Variants in MARCHF1 observed in about 807,000 individuals in gnomAD.
MARCHF1 encodes the protein membrane associated ring-CH-type finger 1.
Under a neutral mutation model 54.2 loss-of-function variants are expected in MARCHF1, and 40 were observed. That is an observed-to-expected ratio of 0.74 (90% CI 0.57 to 0.96). MARCHF1 has a LOEUF of 0.96. Ranked by LOEUF, MARCHF1 falls within the 40% of genes least tolerant of loss-of-function variation. The pLI, the probability that MARCHF1 is intolerant of heterozygous loss-of-function variation, is 0.00. For missense variants in MARCHF1, 586 were observed against 656.5 expected, an observed-to-expected ratio of 0.89 and a Z score of 1.17; for synonymous variants, 236 against 236.3, an observed-to-expected ratio of 1.00 and a Z score of 0.01.
At chr4:163,590,533 T>C (rs1740557984) in intron 7 of MARCHF1, among the ~76,000 whole-genome samples, 1 of 152,122 alleles carries the variant, frequency 6.6e-6, no homozygotes, top group African/African-American at 2.4e-5. Context: ...GTTATTTAGA[T>C]CCTCTTAATA....
chr4:163,791,102 G>A (rs1163874966), intron 4 of MARCHF1, among the ~76,000 whole-genome samples: 2 of 152,064 alleles, frequency 1.3e-5, no homozygotes, highest in African/African-American at 4.8e-5. Context: ...AGTTCCAAGG[G>A]CACAGTAAAG....
intron 4 of MARCHF1, among the ~76,000 whole-genome samples, chr4:163,821,976 A>G (rs1748705040): frequency 6.6e-6 from 1 of 151,970 alleles, no homozygotes; most frequent in African/African-American, 2.4e-5. Flanking sequence ...TATAAAAGGA[A>G]ATTCACGGTT....
chr4:163,890,065 T>C (rs1268524363), intron 3 of MARCHF1, among the ~76,000 whole-genome samples: 2 of 149,952 alleles, frequency 1.3e-5, no homozygotes, highest in Non-Finnish European at 3.0e-5. Context: ...GCTGGGACTA[T>C]AAACACCCAC....
At chr4:164,342,077 A>G (rs1729947053) in intron 1 of MARCHF1, among the ~76,000 whole-genome samples, 1 of 152,194 alleles carries the variant, frequency 6.6e-6, no homozygotes, top group Non-Finnish European at 1.5e-5. Context: ...TAACATCTAC[A>G]ATATATAAGA....
chr4:163,862,933 C>T (rs750983121), intron 3 of MARCHF1, among the ~76,000 whole-genome samples: 5 of 151,980 alleles, frequency 3.3e-5, no homozygotes, highest in South Asian at 2.1e-4. Flanking sequence ...ATATTAAATG[C>T]ATATTGCTAC....
At chr4:164,349,585 T>C (rs1730218595) in intron 1 of MARCHF1, among the ~76,000 whole-genome samples, 1 of 152,230 alleles carries the variant, frequency 6.6e-6, no homozygotes, top group Non-Finnish European at 1.5e-5. Context: ...TTTATGGGAA[T>C]GCTTCTGGAA....
intron 7 of MARCHF1, among the ~76,000 whole-genome samples, chr4:163,592,485 C>T (rs1740623209): frequency 6.6e-6 from 1 of 151,980 alleles, no homozygotes; most frequent in South Asian, 2.1e-4. Context: ...ATTCCTGGAG[C>T]TGATCCAAGA....
rs1232327599 is a variant in MARCHF1, at chr4:164,336,185, A to G, written c.-323+47685T>C. Among the ~76,000 whole-genome samples, 5 of 152,304 alleles carry G rather than the reference A, an allele frequency of 3.3e-5. No homozygotes were observed. The East Asian group carries it at 9.6e-4, about 29-fold the overall frequency. The stretch of plus-strand genomic sequence containing the variant: ...TGCTTCTTGATAGATGAGAGATGAA[A>G]CAACCAAATTGGCTATTCTGAACAC... On this transcript the variant is annotated intron_variant, in intron 1 of 9. Transcript: ENST00000514618.
At chr4:163,971,249 T>C (rs1310553801) in intron 3 of MARCHF1, among the ~76,000 whole-genome samples, 3 of 152,332 alleles carry the variant, frequency 2.0e-5, no homozygotes, top group Admixed American at 2.0e-4. Flanking sequence ...GATGCTGCAG[T>C]ATTATTTCAG....
intron 4 of MARCHF1, among the ~76,000 whole-genome samples, chr4:163,733,191 A>ATATATATATATATATACACGTG (rs1745901843): frequency 3.0e-4 from 7 of 23,052 alleles, no homozygotes; most frequent in African/African-American, 9.6e-4. Context: ...ATATATATAT[A>ATATATATATATATATACACGTG]TATATATATA....
intron 8 of MARCHF1, chr4:163,584,265 A>G (rs1224387651): frequency 6.6e-6 from 1 of 152,108 alleles, no homozygotes; most frequent in Admixed American, 6.6e-5. Context: ...CGTGGCCCTC[A>G]AATTAAAATA....
At chr4:164,062,834 T>C (rs1490579774) in intron 2 of MARCHF1, among the ~76,000 whole-genome samples, 2 of 152,180 alleles carry the variant, frequency 1.3e-5, no homozygotes, top group African/African-American at 4.8e-5. Flanking sequence ...AATTTATTTC[T>C]TAAATAATAA....
chr4:163,913,863 A>T (rs1435376348), intron 3 of MARCHF1, among the ~76,000 whole-genome samples: 1 of 152,194 alleles, frequency 6.6e-6, no homozygotes, highest in Non-Finnish European at 1.5e-5. Flanking sequence ...ATGTTCATTG[A>T]TCAGACTCTT....
chr4:164,252,500 T>C (rs185460669), intron 1 of MARCHF1, among the ~76,000 whole-genome samples: 1 of 152,258 alleles, frequency 6.6e-6, no homozygotes, highest in East Asian at 1.9e-4. Flanking sequence ...TCCCCACAGC[T>C]GTGCGTCATG....
chr4:163,537,950 C>T (rs575965320), intron 9 of MARCHF1, among the ~76,000 whole-genome samples: 26 of 152,278 alleles, frequency 1.7e-4, no homozygotes, highest in African/African-American at 6.3e-4. Flanking sequence ...AGGCCATTCC[C>T]AAACAATCAA....
intron 1 of MARCHF1, among the ~76,000 whole-genome samples, chr4:164,268,988 C>T (rs1733677985): frequency 6.6e-6 from 1 of 152,248 alleles, no homozygotes; most frequent in South Asian, 2.1e-4. Context: ...ATCTTTTATA[C>T]TCACTACAAT....
At chr4:163,799,157 A>G (rs911775734) in intron 4 of MARCHF1, among the ~76,000 whole-genome samples, 1 of 152,158 alleles carries the variant, frequency 6.6e-6, no homozygotes, top group Non-Finnish European at 1.5e-5. Context: ...TGTACTGGCT[A>G]CGTTTCAAGT....
At chr4:163,699,765 A>G (rs1744747155) in intron 5 of MARCHF1, among the ~76,000 whole-genome samples, 1 of 152,162 alleles carries the variant, frequency 6.6e-6, no homozygotes, top group Non-Finnish European at 1.5e-5. Flanking sequence ...ATTGTTTTCC[A>G]TTTTGACAAA....
At chr4:164,324,836 C>T (rs1735230989) in intron 1 of MARCHF1, among the ~76,000 whole-genome samples, 1 of 151,318 alleles carries the variant, frequency 6.6e-6, no homozygotes. Flanking sequence ...AAAGGGAATA[C>T]ATTCTATTTT....
Sources: gnomAD v4.1 joint callset for allele counts (sites outside exome capture counted in the v4.1 genomes callset) on GRCh38, gnomAD v4.1.1 for gene constraint, MANE v1.5 for transcripts, NCBI Gene and HGNC (gene_info 2026-07-23, HGNC 2026-07-21) for gene names.